Variants in FGD6 observed in about 807,000 individuals in gnomAD.
FGD6 encodes the protein FYVE, RhoGEF and PH domain-containing protein 6.
Under a neutral mutation model 149.4 loss-of-function variants are expected in FGD6, and 90 were observed. The observed-to-expected ratio is 0.60, with a 90% CI of 0.51 to 0.72. The LOEUF (loss-of-function observed/expected upper bound fraction) is 0.72, where lower values mean the gene tolerates loss of function less well. FGD6 is among the 30% of genes least tolerant of loss of function. The pLI, the probability that FGD6 is intolerant of heterozygous loss-of-function variation, is 0.00. For missense variants in FGD6, 1,437 were observed against 1,684.8 expected (o/e 0.85, Z 2.57); for synonymous variants, 527 against 584.0 (o/e 0.90, Z 1.41).
At chr12:95,159,764 T>C (rs970507345) in intron 3 of FGD6, among the ~76,000 whole-genome samples, 27 of 151,996 alleles carry the variant, frequency 1.8e-4, no homozygotes, top group African/African-American at 6.5e-4. Context: ...ACCCAGGAGG[T>C]TGAGGCTGTG....
intron 2 of FGD6, among the ~76,000 whole-genome samples, chr12:95,190,041 A>T (rs1881544458): frequency 6.6e-6 from 1 of 151,766 alleles, no homozygotes. Flanking sequence ...TATTTAATAC[A>T]TTGAGAAAAG....
intron 1 of FGD6, among the ~76,000 whole-genome samples, chr12:95,214,633 C>A (rs973753021): frequency 6.6e-6 from 1 of 152,138 alleles, no homozygotes; most frequent in African/African-American, 2.4e-5. Context: ...AGCTGTTTGG[C>A]TCCAGGGAAA....
chr12:95,098,892 C>T (rs1010970620), intron 14 of FGD6, among the ~76,000 whole-genome samples: 3 of 115,304 alleles, frequency 2.6e-5, no homozygotes, highest in Admixed American at 9.8e-5. Context: ...TTTTTTGAGA[C>T]GGAGTCTCGC....
At chr12:95,153,343 A>C (rs750361917) in intron 3 of FGD6, among the ~76,000 whole-genome samples, 13 of 152,232 alleles carry the variant, frequency 8.5e-5, no homozygotes, top group Non-Finnish European at 1.8e-4. Context: ...TACCAGAAGA[A>C]GACTCCTTTG....
chr12:95,186,683 G>A (rs1194122538), intron 2 of FGD6, among the ~76,000 whole-genome samples: 1 of 152,116 alleles, frequency 6.6e-6, no homozygotes, highest in Non-Finnish European at 1.5e-5. Context: ...AGAGACCTAT[G>A]GCCTGCAAAG....
chr12:95,127,103 G>A (rs1214414480), intron 8 of FGD6, among the ~76,000 whole-genome samples: 2 of 151,926 alleles, frequency 1.3e-5, no homozygotes, highest in Middle Eastern at 3.4e-3. Flanking sequence ...CTTGTCTGGA[G>A]TGCAGGACAG....
At chr12:95,129,315 C>G (rs112798809) in intron 8 of FGD6, among the ~76,000 whole-genome samples, 8 of 68,866 alleles carry the variant, frequency 1.2e-4, no homozygotes, top group South Asian at 4.9e-4. Context: ...ATGCATGCAT[C>G]CATCCATCCA....
At chr12:95,189,959 G>C (rs780549691) in intron 2 of FGD6, among the ~76,000 whole-genome samples, 17 of 152,100 alleles carry the variant, frequency 1.1e-4, no homozygotes, top group Non-Finnish European at 2.2e-4. Context: ...CATTGTAAAA[G>C]TTCCTTTTAT....
At chr12:95,145,070 C>A (rs1012005596) in intron 5 of FGD6, among the ~76,000 whole-genome samples, 3 of 144,058 alleles carry the variant, frequency 2.1e-5, no homozygotes, top group Non-Finnish European at 3.0e-5. Flanking sequence ...CTCACTGCAA[C>A]CTCCGACTCC....
rs184996010 is a variant in FGD6 at position 95,163,889 on chromosome 12, A to T, written c.2586+8711T>A. ...GTGGACAGAAAGTCAAATATAAATT[A>T]AAAAAAAATTAAAAGCTCTATATTA... is the stretch of plus-strand genomic sequence containing the variant. On this transcript the variant is annotated intron_variant, in intron 3 of 20. Transcript: ENST00000343958. 2.9e-4 allele frequency among the ~76,000 whole-genome samples: 43 copies of T among 147,680 alleles called. No homozygotes were observed. In the East Asian group the frequency reaches 4.8e-3, roughly 17 times the overall value.
At chr12:95,099,924 T>C (rs1364783665) in intron 14 of FGD6, among the ~76,000 whole-genome samples, 6 of 152,106 alleles carry the variant, frequency 3.9e-5, no homozygotes, top group African/African-American at 1.4e-4. Context: ...TCTACCTATA[T>C]TGGAATTCTT....
At chr12:95,114,625 T>C (rs766476932) in intron 8 of FGD6, among the ~76,000 whole-genome samples, 5 of 152,058 alleles carry the variant, frequency 3.3e-5, no homozygotes, top group Non-Finnish European at 5.9e-5. Flanking sequence ...ATAAGTAATA[T>C]GGTATATAGT....
intron 19 of FGD6, among the ~76,000 whole-genome samples, chr12:95,085,392 G>A (rs990749250): frequency 4.6e-5 from 7 of 151,896 alleles, no homozygotes; most frequent in African/African-American, 9.7e-5. Flanking sequence ...TAGTAGAGAC[G>A]GGGTTTCGCC....
At chr12:95,175,504 G>A (rs1242432255) in intron 2 of FGD6, among the ~76,000 whole-genome samples, 1 of 152,174 alleles carries the variant, frequency 6.6e-6, no homozygotes, top group African/African-American at 2.4e-5. Context: ...CCAGCACTTT[G>A]GGAGGCCAAA....
chr12:95,216,066 A>G (rs1367840642), intron 1 of FGD6, among the ~76,000 whole-genome samples: 2 of 152,242 alleles, frequency 1.3e-5, no homozygotes, highest in Non-Finnish European at 2.9e-5. Context: ...AACATCAAAA[A>G]GGAAAGACCC....
chr12:95,086,972 C>T lies in FGD6; in HGVS notation c.3979-1064G>A, dbSNP rs570366784. ...AAGCACTTCTCGTGCCCCAGCCTCC[C>T]GAGTAGCTGGGATTACAGGCGTGCA... On this transcript the variant is annotated intron_variant, in intron 18 of 20. Coordinates refer to ENST00000343958, the MANE Select transcript of FGD6 (RefSeq NM_018351.4). 5.9e-5 allele frequency among the ~76,000 whole-genome samples: 9 copies of T among 151,908 alleles called. No individual in the cohort carries two copies. In the East Asian group the frequency reaches 1.2e-3, roughly 20 times the overall value.
chr12:95,139,765 T>C (rs1879789171), intron 6 of FGD6, among the ~76,000 whole-genome samples: 1 of 150,778 alleles, frequency 6.6e-6, no homozygotes, highest in East Asian at 2.0e-4. Context: ...GCCTCCCGAG[T>C]AGTTGGGATT....
chr12:95,089,725 G>A (rs372954019), intron 17 of FGD6, 29 bp from the exon 18 acceptor site: 49 of 1,607,638 alleles, frequency 3.0e-5, no homozygotes, highest in Non-Finnish European at 4.1e-5. Flanking sequence ...GCTTATGTAG[G>A]CAATGCTCAG....
chr12:95,126,876 T>C (rs931589620), intron 8 of FGD6, among the ~76,000 whole-genome samples: 1 of 151,882 alleles, frequency 6.6e-6, no homozygotes, highest in African/African-American at 2.4e-5. Flanking sequence ...TGCAGTGAGC[T>C]GAGATCATAC....
Sources: allele counts gnomAD v4.1 joint callset (sites outside exome capture counted in the v4.1 genomes callset), GRCh38; gene constraint gnomAD v4.1.1; transcripts MANE v1.5; gene names NCBI Gene and HGNC (gene_info 2026-07-23, HGNC 2026-07-21).